The following CTNNA3 variants were observed in gnomAD, a reference collection of about 807,000 sequenced individuals.
CTNNA3 encodes the protein catenin alpha-3.
CTNNA3 carries 76 observed loss-of-function variants against 95.7 expected under a neutral mutation model. That is an observed-to-expected ratio of 0.79 (90% CI 0.66 to 0.96). The LOEUF (loss-of-function observed/expected upper bound fraction) is 0.96, where lower values mean the gene tolerates loss of function less well. Ranked by LOEUF, CTNNA3 falls within the 40% of genes least tolerant of loss-of-function variation. The pLI, the probability that CTNNA3 is intolerant of heterozygous loss-of-function variation, is 0.00. For synonymous variants in CTNNA3, 431 were observed against 374.4 expected (o/e 1.15, Z -1.74); for missense variants, 1,191 against 1,089.8 (o/e 1.09, Z -1.31).
chr10:67,664,922 G>A (rs1391149955), intron 1 of CTNNA3, among the ~76,000 whole-genome samples: 2 of 151,888 alleles, frequency 1.3e-5, no homozygotes, highest in Admixed American at 6.6e-5. Context: ...AAAACTACAG[G>A]GAAAAATCCA....
intron 10 of CTNNA3, among the ~76,000 whole-genome samples, chr10:66,572,875 T>C (rs1438653507): frequency 6.6e-6 from 1 of 152,130 alleles, no homozygotes; most frequent in Non-Finnish European, 1.5e-5. Context: ...TGTGTGCAAA[T>C]ATCAGTCTTG....
chr10:67,720,541 G>C (rs923946323), intron 1 of CTNNA3, among the ~76,000 whole-genome samples: 1 of 151,960 alleles, frequency 6.6e-6, no homozygotes, highest in Non-Finnish European at 1.5e-5. Context: ...CTCTTGTTAC[G>C]CAGCCCTGGT....
chr10:66,094,813 C>T (rs773471045), intron 14 of CTNNA3, among the ~76,000 whole-genome samples: 1 of 152,020 alleles, frequency 6.6e-6, no homozygotes, highest in Non-Finnish European at 1.5e-5. Context: ...AACTTTGGTG[C>T]AATTCTTCTT....
chr10:66,026,859 C>T (rs947501604), intron 15 of CTNNA3, among the ~76,000 whole-genome samples: 16 of 152,052 alleles, frequency 1.1e-4, no homozygotes, highest in Non-Finnish European at 2.1e-4. Flanking sequence ...GATTTAAATA[C>T]TACTGTATGA....
intron 13 of CTNNA3, among the ~76,000 whole-genome samples, chr10:66,214,516 C>A (rs2088385455): frequency 6.6e-6 from 1 of 151,910 alleles, no homozygotes; most frequent in African/African-American, 2.4e-5. Context: ...GAAATGTATT[C>A]CTCTTGTTCC....
At chr10:67,601,340 T>TA (rs1279220266) in intron 3 of CTNNA3, among the ~76,000 whole-genome samples, 2 of 152,140 alleles carry the variant, frequency 1.3e-5, no homozygotes, top group East Asian at 1.9e-4. Context: ...CATCAGGCGT[T>TA]AGAGTCTCAT....
At chr10:67,318,117 A>C (rs760450252) in intron 5 of CTNNA3, among the ~76,000 whole-genome samples, 1 of 152,092 alleles carries the variant, frequency 6.6e-6, no homozygotes, top group Non-Finnish European at 1.5e-5. Context: ...TTAGGTATTT[A>C]CTACTTGTTT....
At chr10:67,705,633 T>C (rs1482231476) in intron 1 of CTNNA3, among the ~76,000 whole-genome samples, 1 of 63,528 alleles carries the variant, frequency 1.6e-5, no homozygotes, top group African/African-American at 6.4e-5. Context: ...TGTTGTGGGG[T>C]GGGGGGAGGG....
chr10:66,057,578 A>T (rs145844196), intron 15 of CTNNA3, among the ~76,000 whole-genome samples: 1 of 152,146 alleles, frequency 6.6e-6, no homozygotes, highest in Non-Finnish European at 1.5e-5. Context: ...AGCATTTCTC[A>T]TCAGCATTAC....
At chr10:66,422,310 T>C (rs773098709) in intron 11 of CTNNA3, among the ~76,000 whole-genome samples, 16 of 152,120 alleles carry the variant, frequency 1.1e-4, no homozygotes, top group African/African-American at 3.9e-4. Flanking sequence ...CTAAATGAAA[T>C]AGGCCCAGTT....
chr10:67,474,160 A>G (rs1685962178), intron 5 of CTNNA3, among the ~76,000 whole-genome samples: 1 of 152,230 alleles, frequency 6.6e-6, no homozygotes, highest in South Asian at 2.1e-4. Flanking sequence ...CTTTGTCTAT[A>G]TACTTCAGGT....
In CTNNA3 at chr10:67,606,957, T is replaced by G; in HGVS notation, c.192A>C (p.Glu64Asp). The change falls in exon 3 of 18, where the codon GAA becomes GAC. Residue 64 changes from glutamate (E) to aspartate (D), a missense_variant. By Grantham distance (45) the Glu-to-Asp change is conservative. Transcript: ENST00000433211. ...RASVLLASVE[E>D]ATWNLLDKGE... ...CCTTGTCTAATAAATTCCAAGTTGC[T>G]TCCTCCACAGAAGCTAGAAGGACAC... The G allele has an allele frequency of 6.2e-7, 1 of 1,614,082 alleles. No homozygotes were observed. Among genetic ancestry groups the G allele is most frequent in the Non-Finnish European group, 8.5e-7 (1 of 1,179,892 alleles).
intron 9 of CTNNA3, among the ~76,000 whole-genome samples, chr10:66,733,514 A>T (rs1198138540): frequency 1.3e-5 from 2 of 151,780 alleles, no homozygotes; most frequent in Non-Finnish European, 2.9e-5. Flanking sequence ...GTATATATGT[A>T]TACACGAACA....
At chr10:66,751,520 T>C (rs1293109438) in intron 9 of CTNNA3, among the ~76,000 whole-genome samples, 1 of 152,210 alleles carries the variant, frequency 6.6e-6, no homozygotes, top group African/African-American at 2.4e-5. Flanking sequence ...TACTACCTCA[T>C]TGGATTGTCC....
At chr10:66,837,836 T>G (rs1267597339) in intron 7 of CTNNA3, 1 of 152,136 alleles carries the variant, frequency 6.6e-6, no homozygotes, top group African/African-American at 2.4e-5. Flanking sequence ...TTATATGCCA[T>G]GTACATACCA....
intron 1 of CTNNA3, among the ~76,000 whole-genome samples, chr10:67,725,802 C>T (rs1841207097): frequency 6.6e-6 from 1 of 150,726 alleles, no homozygotes; most frequent in Non-Finnish European, 1.5e-5. Context: ...CCCCATGGCA[C>T]CCCTTATTCG....
At chr10:67,351,474 C>CA (rs1842635417) in intron 5 of CTNNA3, among the ~76,000 whole-genome samples, 1 of 151,762 alleles carries the variant, frequency 6.6e-6, no homozygotes. Flanking sequence ...GCACCATCTA[C>CA]AAAAAAGATA....
At chr10:65,933,737 T>A (rs1035832072) in intron 17 of CTNNA3, among the ~76,000 whole-genome samples, 3 of 152,186 alleles carry the variant, frequency 2.0e-5, no homozygotes, top group Non-Finnish European at 4.4e-5. Context: ...TTCAATTCAT[T>A]TTCATTCATC....
At chr10:66,439,728 C>G (rs2093363033) in intron 11 of CTNNA3, among the ~76,000 whole-genome samples, 1 of 151,842 alleles carries the variant, frequency 6.6e-6, no homozygotes, top group Admixed American at 6.6e-5. Context: ...ATAAAAATCA[C>G]AAAATAGATT....
Sources: gnomAD v4.1 joint callset for allele counts (sites outside exome capture counted in the v4.1 genomes callset) on GRCh38, gnomAD v4.1.1 for gene constraint, MANE v1.5 for transcripts, NCBI Gene and HGNC (gene_info 2026-07-23, HGNC 2026-07-21) for gene names.